ARHGAP15: variants seen among roughly 807,000 people sequenced by gnomAD.
ARHGAP15 encodes rho GTPase-activating protein 15.
In ARHGAP15, 51 loss-of-function variants were observed where a neutral mutation model predicts 63.7. That is an observed-to-expected ratio of 0.80 (90% CI 0.64 to 1.01). The LOEUF is 1.01. Ranked by LOEUF, ARHGAP15 falls within the 50% of genes least tolerant of loss-of-function variation. ARHGAP15 has a pLI of 0.00. For synonymous variants in ARHGAP15, 191 were observed against 193.8 expected, an observed-to-expected ratio of 0.99 and a Z score of 0.12; for missense variants, 560 against 564.6, an observed-to-expected ratio of 0.99 and a Z score of 0.08.
intron 11 of ARHGAP15, among the ~76,000 whole-genome samples, chr2:143,606,357 T>A (rs1698030710): frequency 6.6e-6 from 1 of 152,204 alleles, no homozygotes; most frequent in South Asian, 2.1e-4. Context: ...TTCCCCAGAT[T>A]GTTGTGATTC....
intron 12 of ARHGAP15, among the ~76,000 whole-genome samples, chr2:143,652,782 T>C (rs1681238915): frequency 6.6e-6 from 1 of 152,120 alleles, no homozygotes; most frequent in African/African-American, 2.4e-5. Flanking sequence ...AACATTGCAA[T>C]ACTCAATTAC....
intron 13 of ARHGAP15, among the ~76,000 whole-genome samples, chr2:143,737,962 C>T (rs1427465216): frequency 3.3e-5 from 5 of 151,852 alleles, no homozygotes; most frequent in East Asian, 1.9e-4. Flanking sequence ...TTCACCATGC[C>T]GGTCAGGTTG....
intron 8 of ARHGAP15, among the ~76,000 whole-genome samples, chr2:143,472,348 C>G (rs1433406794): frequency 6.6e-6 from 1 of 152,068 alleles, no homozygotes; most frequent in African/African-American, 2.4e-5. Flanking sequence ...GAGATTTATA[C>G]TACCAGTACA....
chr2:143,187,470 C>A (rs558202069), intron 2 of ARHGAP15, among the ~76,000 whole-genome samples: 1 of 152,268 alleles, frequency 6.6e-6, no homozygotes, highest in South Asian at 2.1e-4. Flanking sequence ...TACTAGCTAA[C>A]ATCATTGAGC....
At chr2:143,346,596 C>T (rs539580300) in intron 6 of ARHGAP15, among the ~76,000 whole-genome samples, 5 of 152,068 alleles carry the variant, frequency 3.3e-5, no homozygotes, top group East Asian at 3.9e-4. Context: ...CAGTCGGCAC[C>T]GACCAAAATG....
At chr2:143,450,488 T>C (rs902621286) in intron 8 of ARHGAP15, among the ~76,000 whole-genome samples, 4 of 151,952 alleles carry the variant, frequency 2.6e-5, no homozygotes, top group African/African-American at 9.7e-5. Context: ...TGTGTTATTA[T>C]AGATGTGACT....
chr2:143,272,483 A>G (rs1400498538), intron 6 of ARHGAP15, among the ~76,000 whole-genome samples: 1 of 152,052 alleles, frequency 6.6e-6, no homozygotes, highest in Non-Finnish European at 1.5e-5. Context: ...AGAAAAAGAA[A>G]AAAACAAGAA....
At chr2:143,692,219 G>A (rs559960196) in intron 12 of ARHGAP15, among the ~76,000 whole-genome samples, 1 of 152,174 alleles carries the variant, frequency 6.6e-6, no homozygotes, top group African/African-American at 2.4e-5. Context: ...GGGGCAGGGA[G>A]GGTAGGGTTA....
At chr2:143,562,833 A>G (rs1462430771) in intron 11 of ARHGAP15, among the ~76,000 whole-genome samples, 4 of 152,240 alleles carry the variant, frequency 2.6e-5, no homozygotes, top group Non-Finnish European at 5.9e-5. Context: ...CAAAAGAGTA[A>G]GTTATTCATG....
At chr2:143,754,120 A>G (rs1340409685) in intron 13 of ARHGAP15, among the ~76,000 whole-genome samples, 1 of 151,940 alleles carries the variant, frequency 6.6e-6, no homozygotes, top group East Asian at 1.9e-4. Context: ...TGTCTTCCAG[A>G]TTTTTTCTGG....
At chr2:143,639,447 A>T (rs1680501529) in intron 12 of ARHGAP15, among the ~76,000 whole-genome samples, 1 of 152,152 alleles carries the variant, frequency 6.6e-6, no homozygotes, top group Non-Finnish European at 1.5e-5. Flanking sequence ...CACCTAGCAG[A>T]TGGAGAAGGC....
intron 11 of ARHGAP15, among the ~76,000 whole-genome samples, chr2:143,588,676 G>A (rs7577569): frequency 0.28 from 42,683 of 151,936 alleles, 6,737 homozygotes; most frequent in East Asian, 0.41. Context: ...TCCTTTTTGC[G>A]GCTGCATAGT....
intron 2 of ARHGAP15, chr2:143,172,169 G>T (rs1690807951): frequency 6.6e-6 from 1 of 152,078 alleles, no homozygotes; most frequent in Non-Finnish European, 1.5e-5. Flanking sequence ...GTTCAAAAGG[G>T]TATCAAATGT....
At chr2:143,730,929 CTTTTTTTT>C (rs1191514139) in intron 13 of ARHGAP15, among the ~76,000 whole-genome samples, 11 of 87,318 alleles carry the variant, frequency 1.3e-4, no homozygotes, top group Admixed American at 3.2e-4. Flanking sequence ...GGGAAAAAGG[CTTTTTTTT>C]TTTTTTTTTG....
chr2:143,606,060 AAAAAAAAAAAG>A lies in ARHGAP15; in HGVS notation c.1004-18072_1004-18062del, dbSNP rs1414404046. On this transcript the variant is annotated intron_variant, in intron 11 of 13. Coordinates refer to ENST00000295095, the MANE Select transcript of ARHGAP15 (RefSeq NM_018460.4). ...CAAAAAAAAAAAAAAAAAAAAAAAA[AAAAAAAAAAAG>A]CCATACATCTGTCTCTTTCGCTACC... 5.2e-3 allele frequency among the ~76,000 whole-genome samples: 440 copies of A among 84,664 alleles called. 55 individuals are homozygous for A. The highest frequency in any genetic ancestry group is 0.02 in the East Asian group (41 of 2,038). The allele number at this position is 84,664 out of a possible 152,430, so 55.5% of individuals were successfully genotyped here.
At chr2:143,366,209 AT>A (rs1157527108) in intron 6 of ARHGAP15, among the ~76,000 whole-genome samples, 1 of 151,664 alleles carries the variant, frequency 6.6e-6, no homozygotes, top group Non-Finnish European at 1.5e-5. Flanking sequence ...TAAATATGCT[AT>A]TTTTTCAAGT....
intron 12 of ARHGAP15, among the ~76,000 whole-genome samples, chr2:143,698,059 G>A (rs762025293): frequency 6.6e-6 from 1 of 152,138 alleles, no homozygotes; most frequent in Non-Finnish European, 1.5e-5. Flanking sequence ...GAATACAGTT[G>A]TCCTTTAAGA....
At chr2:143,577,851 C>T (rs1232051814) in intron 11 of ARHGAP15, among the ~76,000 whole-genome samples, 1 of 152,050 alleles carries the variant, frequency 6.6e-6, no homozygotes, top group Non-Finnish European at 1.5e-5. Flanking sequence ...GGATACTCCC[C>T]AGAGGAAACC....
At chr2:143,604,532 T>C (rs529321076) in intron 11 of ARHGAP15, among the ~76,000 whole-genome samples, 12 of 152,356 alleles carry the variant, frequency 7.9e-5, no homozygotes, top group Admixed American at 7.2e-4. Context: ...TTCACCAATA[T>C]GAATTTATTT....
Sources: gnomAD v4.1 joint callset for allele counts (sites outside exome capture counted in the v4.1 genomes callset) on GRCh38, gnomAD v4.1.1 for gene constraint, MANE v1.5 for transcripts, NCBI Gene and HGNC (gene_info 2026-07-23, HGNC 2026-07-21) for gene names.